Variants in MMP16 observed in about 807,000 individuals in gnomAD.
The protein encoded by MMP16 is matrix metallopeptidase 16, also known as matrix metalloproteinase-16.
In MMP16, 12 loss-of-function variants were observed where a neutral mutation model predicts 67.8. That is an observed-to-expected ratio of 0.18 (90% CI 0.11 to 0.29). The LOEUF (loss-of-function observed/expected upper bound fraction) is 0.29, where lower values mean the gene tolerates loss of function less well. Among genes scored for constraint, MMP16 ranks in the 10% least tolerant of loss-of-function variants. MMP16 has a pLI of 1.00. For synonymous variants in MMP16, 249 were observed against 255.9 expected (o/e 0.97, Z 0.26); for missense variants, 475 against 765.7 (o/e 0.62, Z 4.48).
At position 88,327,236 on chromosome 8, in the gene MMP16, C is replaced by T. The variant is rs1358929286; in HGVS notation, c.-30G>A. 2.5e-6 allele frequency: 4 copies of T among 1,613,026 alleles called. No individual in the cohort carries two copies. Among genetic ancestry groups the T allele is most frequent in the East Asian group, 4.5e-5 (2 of 44,802 alleles). On this transcript the variant is annotated 5_prime_UTR_variant, in exon 1 of 10. Transcript: ENST00000286614. ...AACTGTGCTTCAATGGATGGACGAG[C>T]TCCCCTTCGTTTTCTCCCTCTCTCC...
chr8:88,100,796 C>A (rs1411981232), intron 6 of MMP16, among the ~76,000 whole-genome samples: 1 of 151,904 alleles, frequency 6.6e-6, no homozygotes, highest in East Asian at 1.9e-4. Flanking sequence ...ACTATGCAGC[C>A]ATAAAGAAGG....
At chr8:88,071,088 A>G (rs901850561) in intron 7 of MMP16, among the ~76,000 whole-genome samples, 34 of 152,154 alleles carry the variant, frequency 2.2e-4, no homozygotes, top group Non-Finnish European at 4.1e-4. Context: ...ACTTCATATG[A>G]TATACATGTG....
At chr8:88,193,812 C>T (rs1037509024) in intron 2 of MMP16, among the ~76,000 whole-genome samples, 5 of 151,900 alleles carry the variant, frequency 3.3e-5, no homozygotes, top group Admixed American at 2.0e-4. Flanking sequence ...AAAAGATAAA[C>T]TAATATGAAA....
chr8:88,282,234 C>A (rs553100606), intron 1 of MMP16, among the ~76,000 whole-genome samples: 3 of 151,990 alleles, frequency 2.0e-5, no homozygotes, highest in Non-Finnish European at 4.4e-5. Flanking sequence ...ACCACCACAC[C>A]CAGCTAATTT....
At chr8:88,102,417 G>C (rs937323649) in intron 6 of MMP16, among the ~76,000 whole-genome samples, 4 of 151,824 alleles carry the variant, frequency 2.6e-5, no homozygotes, top group African/African-American at 9.7e-5. Context: ...ACTGAGGTAT[G>C]GGGGGAGTGG....
chr8:88,170,848 A>C (rs1808788453), intron 3 of MMP16, among the ~76,000 whole-genome samples: 1 of 152,128 alleles, frequency 6.6e-6, no homozygotes, highest in Non-Finnish European at 1.5e-5. Context: ...CTGATGGAAA[A>C]ATGGATGATG....
At chr8:88,265,683 A>T (rs1013920118) in intron 1 of MMP16, among the ~76,000 whole-genome samples, 11 of 152,164 alleles carry the variant, frequency 7.2e-5, no homozygotes, top group African/African-American at 2.7e-4. Flanking sequence ...CCCACGCAAA[A>T]TCATATCTTG....
At chr8:88,097,763 A>C (rs1018750887) in intron 6 of MMP16, among the ~76,000 whole-genome samples, 3 of 151,918 alleles carry the variant, frequency 2.0e-5, no homozygotes, top group African/African-American at 7.2e-5. Context: ...TTTGTTAAAG[A>C]ATTACAATTC....
At chr8:88,068,378 T>A (rs1287725123) in intron 7 of MMP16, among the ~76,000 whole-genome samples, 1 of 152,156 alleles carries the variant, frequency 6.6e-6, no homozygotes, top group Admixed American at 6.6e-5. Flanking sequence ...CTTAAAAGTG[T>A]CTTTGAAGGG....
At chr8:88,117,319 TA>T (rs1366151506) in intron 5 of MMP16, among the ~76,000 whole-genome samples, 1 of 152,128 alleles carries the variant, frequency 6.6e-6, no homozygotes, top group Non-Finnish European at 1.5e-5. Flanking sequence ...ATATCACCAG[TA>T]AAATATTAAT....
At chr8:88,175,762 T>C (rs1371791767) in intron 3 of MMP16, among the ~76,000 whole-genome samples, 8 of 152,198 alleles carry the variant, frequency 5.3e-5, no homozygotes, top group East Asian at 3.8e-4. Flanking sequence ...GTAATCCCCA[T>C]GTGTCCTGGG....
intron 6 of MMP16, among the ~76,000 whole-genome samples, chr8:88,115,844 T>C (rs748550009): frequency 6.6e-5 from 10 of 152,146 alleles, no homozygotes; most frequent in Non-Finnish European, 1.3e-4. Context: ...ACTTTTGATA[T>C]ACTGTTTATT....
chr8:88,267,119 C>T (rs1463544149), intron 1 of MMP16, among the ~76,000 whole-genome samples: 1 of 152,110 alleles, frequency 6.6e-6, no homozygotes, highest in African/African-American at 2.4e-5. Context: ...ATATTAGGAA[C>T]GTTCATCTGC....
intron 1 of MMP16, among the ~76,000 whole-genome samples, chr8:88,323,786 CA>C (rs964379747): frequency 5.1e-4 from 68 of 133,392 alleles, no homozygotes; most frequent in East Asian, 1.1e-3. Context: ...CACAGCATAC[CA>C]AAAAAAAAAG....
chr8:88,131,245 G>A (rs1197545062), intron 4 of MMP16, among the ~76,000 whole-genome samples: 1 of 147,446 alleles, frequency 6.8e-6, no homozygotes, highest in Non-Finnish European at 1.5e-5. Context: ...TCCCTATGCT[G>A]AGTATGACTA....
chr8:88,180,353 C>A (rs1486470937), intron 3 of MMP16, among the ~76,000 whole-genome samples: 3 of 148,640 alleles, frequency 2.0e-5, no homozygotes, highest in African/African-American at 7.4e-5. Context: ...CAAAATTTAA[C>A]AAAAACAGAA....
intron 1 of MMP16, among the ~76,000 whole-genome samples, chr8:88,210,548 C>A (rs975382409): frequency 6.6e-6 from 1 of 152,142 alleles, no homozygotes; most frequent in Non-Finnish European, 1.5e-5. Context: ...CCCCCATATA[C>A]ACACACAGCT....
At chr8:88,250,096 G>C in intron 1 of MMP16, among the ~76,000 whole-genome samples, 1 of 151,964 alleles carries the variant, frequency 6.6e-6, no homozygotes, top group East Asian at 1.9e-4. Context: ...ATATGTTCTA[G>C]CTGTAGAGAA....
intron 1 of MMP16, among the ~76,000 whole-genome samples, chr8:88,270,092 G>A (rs1045144622): frequency 1.3e-5 from 2 of 152,048 alleles, no homozygotes; most frequent in Non-Finnish European, 2.9e-5. Context: ...ACTGCCTTCT[G>A]ACCCAGTTCT....
Sources: allele counts gnomAD v4.1 joint callset (sites outside exome capture counted in the v4.1 genomes callset), GRCh38; gene constraint gnomAD v4.1.1; transcripts MANE v1.5; gene names NCBI Gene and HGNC (gene_info 2026-07-23, HGNC 2026-07-21).